Variants in PDGFC observed in about 807,000 individuals in gnomAD.
PDGFC encodes platelet derived growth factor C, also known as platelet-derived growth factor C.
PDGFC carries 12 observed loss-of-function variants against 35.5 expected under a neutral mutation model. That is an observed-to-expected ratio of 0.34 (90% CI 0.22 to 0.55). PDGFC has a LOEUF of 0.55. Among genes scored for constraint, PDGFC ranks in the 20% least tolerant of loss-of-function variants. PDGFC has a pLI of 0.91. For synonymous variants in PDGFC, 159 were observed against 148.8 expected (o/e 1.07, Z -0.50); for missense variants, 322 against 412.4 (o/e 0.78, Z 1.90).
At chr4:156,800,789 G>A (rs1731583274) in intron 3 of PDGFC, among the ~76,000 whole-genome samples, 2 of 152,144 alleles carry the variant, frequency 1.3e-5, no homozygotes, top group African/African-American at 4.8e-5. Flanking sequence ...GACAGTGAAA[G>A]GGCTCTGATT....
intron 2 of PDGFC, among the ~76,000 whole-genome samples, chr4:156,844,490 T>G (rs1400687080): frequency 2.0e-5 from 3 of 152,050 alleles, no homozygotes; most frequent in Non-Finnish European, 4.4e-5. Flanking sequence ...AATTCCACAG[T>G]GAAAATATGA....
chr4:156,824,317 TATATATATATACACACACAC>T lies in PDGFC; in HGVS notation c.315-13320_315-13301del, dbSNP rs1252805461. ...ATATATATATATATATATATATATA[TATATATATATACACACACAC>T]ACACACACACACATATACACACATA... On this transcript the variant is annotated intron_variant, in intron 2 of 5. Transcript: ENST00000502773. 2.7e-3 allele frequency among the ~76,000 whole-genome samples: 255 copies of T among 92,844 alleles called. 1 individual carries two copies. Among genetic ancestry groups the T allele is most frequent in the African/African-American group, 0.013 (244 of 18,842 alleles). The allele number at this position is 92,844 out of a possible 152,430, so 60.9% of individuals were successfully genotyped here.
chr4:156,821,057 C>T (rs1267965697), intron 2 of PDGFC, among the ~76,000 whole-genome samples: 2 of 151,974 alleles, frequency 1.3e-5, no homozygotes, highest in African/African-American at 4.8e-5. Flanking sequence ...AGATTGTGGT[C>T]GGGTAAGCAC....
At chr4:156,880,162 GGAA>G (rs774532742) in intron 1 of PDGFC, among the ~76,000 whole-genome samples, 1 of 152,106 alleles carries the variant, frequency 6.6e-6, no homozygotes, top group Non-Finnish European at 1.5e-5. Context: ...GTCTTCAGTT[GGAA>G]GAAGGTGTCA....
intron 1 of PDGFC, among the ~76,000 whole-genome samples, chr4:156,908,804 A>G (rs1256241882): frequency 6.6e-6 from 1 of 152,202 alleles, no homozygotes; most frequent in African/African-American, 2.4e-5. Flanking sequence ...CAAGAGTATT[A>G]TTCATAATAC....
intron 1 of PDGFC, among the ~76,000 whole-genome samples, chr4:156,903,124 T>TGTGC (rs1553975839): frequency 8.1e-6 from 1 of 123,352 alleles, no homozygotes; most frequent in Non-Finnish European, 1.9e-5. Flanking sequence ...TGTGTGTGTG[T>TGTGC]GTGTGTGTAT....
At chr4:156,911,288 T>A (rs946467756) in intron 1 of PDGFC, among the ~76,000 whole-genome samples, 1 of 152,170 alleles carries the variant, frequency 6.6e-6, no homozygotes, top group Non-Finnish European at 1.5e-5. Flanking sequence ...CATTTAAACA[T>A]ACATATGTAT....
chr4:156,910,668 G>A (rs187270058), intron 1 of PDGFC, among the ~76,000 whole-genome samples: 1 of 152,178 alleles, frequency 6.6e-6, no homozygotes, highest in African/African-American at 2.4e-5. Flanking sequence ...TGACATATGG[G>A]AGATCCATTT....
At chr4:156,787,936 T>G (rs1016229625) in intron 3 of PDGFC, among the ~76,000 whole-genome samples, 6 of 151,638 alleles carry the variant, frequency 4.0e-5, no homozygotes, top group African/African-American at 1.5e-4. Context: ...AGAGGGAAAA[T>G]GTAAGGTAAC....
intron 1 of PDGFC, 94 bp downstream of exon 1, chr4:156,970,692 T>C (rs888161250): frequency 3.9e-5 from 30 of 766,602 alleles, no homozygotes; most frequent in Non-Finnish European, 6.8e-5. Context: ...AAAGATACCT[T>C]CACAGTCTGG....
intron 1 of PDGFC, among the ~76,000 whole-genome samples, chr4:156,877,752 A>G (rs1005963038): frequency 3.3e-5 from 5 of 152,128 alleles, no homozygotes; most frequent in African/African-American, 9.7e-5. Context: ...AAAATAAAAT[A>G]TACTTCCTCT....
chr4:156,880,351 T>A (rs1730212510), intron 1 of PDGFC, among the ~76,000 whole-genome samples: 1 of 152,072 alleles, frequency 6.6e-6, no homozygotes, highest in South Asian at 2.1e-4. Flanking sequence ...TCTCTGCTTG[T>A]GTTCTAGAAA....
chr4:156,814,910 C>T (rs1448868691), intron 2 of PDGFC, among the ~76,000 whole-genome samples: 3 of 152,116 alleles, frequency 2.0e-5, no homozygotes, highest in Non-Finnish European at 2.9e-5. Context: ...CATATTATTA[C>T]TTATTTCATG....
In PDGFC at chr4:156,868,612, C is replaced by T. The variant is rs1729903625; in HGVS notation, c.119-18196G>A. Among the ~76,000 whole-genome samples the T allele has an allele frequency of 5.3e-5, 8 of 152,296 alleles. No individual in the cohort carries two copies. In the South Asian group the frequency reaches 1.7e-3, roughly 32 times the overall value. On this transcript the variant is annotated intron_variant, in intron 1 of 5. Coordinates refer to ENST00000502773, the MANE Select transcript of PDGFC (RefSeq NM_016205.3). The stretch of plus-strand genomic sequence containing the variant: ...CACTTAAAACAGCAAGCAATACAGA[C>T]ATTTTCAACTGTTTTCTATTTCAAC...
intron 4 of PDGFC, chr4:156,770,388 A>C (rs1730661709): frequency 6.6e-6 from 1 of 152,206 alleles, no homozygotes; most frequent in African/African-American, 2.4e-5. Context: ...TTTGAAATTT[A>C]TGCTGCCTAC....
At chr4:156,911,704 A>G (rs1056544520) in intron 1 of PDGFC, among the ~76,000 whole-genome samples, 1 of 152,182 alleles carries the variant, frequency 6.6e-6, no homozygotes, top group African/African-American at 2.4e-5. Context: ...TGGTAGAGAT[A>G]AGACATAAAC....
intron 1 of PDGFC, among the ~76,000 whole-genome samples, chr4:156,947,673 T>A (rs562154261): frequency 1.6e-4 from 25 of 152,052 alleles, no homozygotes; most frequent in Admixed American, 9.9e-4. Context: ...AGATTGTCAC[T>A]ATCAGCCTTT....
At chr4:156,934,539 A>C (rs1175802408) in intron 1 of PDGFC, among the ~76,000 whole-genome samples, 3 of 152,184 alleles carry the variant, frequency 2.0e-5, no homozygotes, top group Non-Finnish European at 4.4e-5. Context: ...ATGCTACACT[A>C]AATATATTTG....
intron 3 of PDGFC, among the ~76,000 whole-genome samples, chr4:156,782,585 C>T (rs369255371): frequency 2.0e-5 from 3 of 152,126 alleles, no homozygotes; most frequent in African/African-American, 7.2e-5. Context: ...ATGCACAGAT[C>T]TGAACACTTT....
Sources: gnomAD v4.1 joint callset for allele counts (sites outside exome capture counted in the v4.1 genomes callset) on GRCh38, gnomAD v4.1.1 for gene constraint, MANE v1.5 for transcripts, NCBI Gene and HGNC (gene_info 2026-07-23, HGNC 2026-07-21) for gene names.